The following PHC1 variants were observed in gnomAD, a reference collection of about 807,000 sequenced individuals.
PHC1 encodes polyhomeotic-like protein 1.
In PHC1, 12 loss-of-function variants were observed where a neutral mutation model predicts 104.3. The observed-to-expected ratio is 0.12, with a 90% CI of 0.07 to 0.19. PHC1 has a LOEUF of 0.19. Ranked by LOEUF, PHC1 falls within the 10% of genes least tolerant of loss-of-function variation. The pLI, the probability that PHC1 is intolerant of heterozygous loss-of-function variation, is 1.00. For synonymous variants in PHC1, 302 were observed against 455.8 expected, an observed-to-expected ratio of 0.66 and a Z score of 4.30; for missense variants, 671 against 1,200.0, an observed-to-expected ratio of 0.56 and a Z score of 6.51.
At chr12:8,918,101 G>T (rs1276109133) in intron 2 of PHC1, among the ~76,000 whole-genome samples, 1 of 152,152 alleles carries the variant, frequency 6.6e-6, no homozygotes, top group East Asian at 1.9e-4. Flanking sequence ...AAATCCCCTT[G>T]AGTAATAGAA....
Position 8,933,066 on chromosome 12 carries a change from A to G in PHC1, c.1609A>G (p.Thr537Ala), listed in dbSNP as rs1358331831. 2 of 701,190 alleles carry G rather than the reference A, an allele frequency of 2.9e-6. No homozygotes were observed. The highest frequency in any genetic ancestry group is 1.8e-5 in the South Asian group (1 of 54,096). The allele number at this position is 701,190 out of a possible 1,614,324, so 43.4% of individuals were successfully genotyped here. The change falls in exon 8 of 15, where the codon ACA (threonine) becomes GCA (alanine). Residue 537 changes from threonine to alanine, a missense_variant. By Grantham distance (58) the Thr-to-Ala change is moderately conservative (BLOSUM62 0). Around this residue, in one of 9 missense-constraint regions of PHC1, gnomAD observed 26 missense variants for 130.8 expected, o/e 0.20. Coordinates refer to ENST00000544916, the MANE Select transcript of PHC1 (RefSeq NM_004426.3). Reference protein sequence around the residue: ...VQVVGTRQPGTAQAQALGLAQ... With the variant: ...VQVVGTRQPGAAQAQALGLAQ... Reference sequence around the variant, plus strand: ...AGTTGTAGGCACTCGACAGCCAGGTACAGCCCAGGCACAGGCTTTGGGGTT... The same window carrying G: ...AGTTGTAGGCACTCGACAGCCAGGTGCAGCCCAGGCACAGGCTTTGGGGTT...
intron 6 of PHC1, among the ~76,000 whole-genome samples, chr12:8,928,401 C>G (rs1269112297): frequency 6.7e-6 from 1 of 150,348 alleles, no homozygotes; most frequent in Admixed American, 6.7e-5. Context: ...ATGACACTCT[C>G]TCACTGTTGG....
intron 6 of PHC1, among the ~76,000 whole-genome samples, chr12:8,923,868 CAATT>C (rs1945439218): frequency 7.1e-6 from 1 of 141,672 alleles, no homozygotes; most frequent in South Asian, 2.3e-4. Context: ...GGCAAAAAAA[CAATT>C]AAAAATAACA....
At chr12:8,914,458 G>GC (rs1278236624), upstream of PHC1, 375 of 91,592 alleles carry the variant, frequency 4.1e-3, 1 homozygote, top group African/African-American at 0.013. Context: ...GAGGGACGGC[G>GC]GGGGGGGGGT....
chr12:8,939,199 T>A (rs1471961136), intron 14 of PHC1, 106 bp from the exon 15 acceptor site: 1 of 1,372,308 alleles, frequency 7.3e-7, no homozygotes. Flanking sequence ...TATTACTGAA[T>A]TTAGGACAGG....
At chr12:8,916,228 T>TA (rs1242015293) in intron 1 of PHC1, among the ~76,000 whole-genome samples, 4 of 151,722 alleles carry the variant, frequency 2.6e-5, no homozygotes, top group African/African-American at 9.7e-5. Context: ...TGGGGGGGGA[T>TA]AATAGTGTGA....
intron 4 of PHC1, among the ~76,000 whole-genome samples, 163 bp downstream of exon 4, chr12:8,921,228 A>G (rs1023511456): frequency 1.3e-5 from 2 of 152,180 alleles, no homozygotes; most frequent in African/African-American, 4.8e-5. Flanking sequence ...ACCAACATTA[A>G]TCTATATTGG....
rs1945895174 is a variant in PHC1 at position 8,938,133 on chromosome 12, G to A, written c.2860+73G>A. The A allele has an allele frequency of 3.1e-6, 3 of 972,526 alleles. No homozygotes were observed. In the Admixed American group the frequency reaches 6.1e-5, roughly 20 times the overall value. The allele number at this position is 972,526 out of a possible 1,614,324, so 60.2% of individuals were successfully genotyped here. A position where few individuals can be genotyped will look rare whatever the true frequency, so the allele number is the denominator to read the frequency against. Reference sequence around the variant, plus strand: ...ATCCCACAGGGGCCTTGATAAGAGGGAAAGTAATTGACTTTTAAGCAGTAG... The same window carrying A: ...ATCCCACAGGGGCCTTGATAAGAGGAAAAGTAATTGACTTTTAAGCAGTAG... On this transcript the variant is annotated intron_variant, in intron 14 of 14. Coordinates refer to ENST00000544916, the MANE Select transcript of PHC1 (RefSeq NM_004426.3).
At chr12:8,925,916 T>C (rs774045944) in intron 6 of PHC1, among the ~76,000 whole-genome samples, 57 of 152,312 alleles carry the variant, frequency 3.7e-4, no homozygotes, top group African/African-American at 1.3e-3. Flanking sequence ...TCTAACAGTT[T>C]AAGGGACAGA....
In PHC1 at chr12:8,919,681, C is replaced by T; in HGVS notation, c.115-75C>T. 2.1e-6 allele frequency: 3 copies of T among 1,438,292 alleles called. No homozygotes were observed. The highest frequency in any genetic ancestry group is 2.9e-6 in the Non-Finnish European group (3 of 1,048,270). The allele number at this position is 1,438,292 out of a possible 1,614,324, so 89.1% of individuals were successfully genotyped here. A position where few individuals can be genotyped will look rare whatever the true frequency, so the allele number is the denominator to read the frequency against. The stretch of plus-strand genomic sequence containing the variant: ...CTGTCCTTCCCATGGCCCCCTTTCA[C>T]ACAAATACAGTGATTTACATAGAAT... On this transcript the variant is annotated intron_variant, in intron 2 of 14. Transcript: ENST00000544916. This position sits in a 1 kb window ranked among gnomAD's most constrained non-coding sequence, Gnocchi z 4.9.
At chr12:8,922,937 T>G in intron 6 of PHC1, 149 bp downstream of exon 6, 3 of 654,272 alleles carry the variant, frequency 4.6e-6, no homozygotes, top group Non-Finnish European at 5.1e-6. Context: ...ACCATAGAAC[T>G]TGAATCCCAT....
intron 11 of PHC1, among the ~76,000 whole-genome samples, chr12:8,935,760 T>C (rs112889390): frequency 6.6e-6 from 1 of 151,846 alleles, no homozygotes; most frequent in Non-Finnish European, 1.5e-5. Flanking sequence ...TTTTGAATTA[T>C]TATTATTATT....
chr12:8,916,357 C>T (rs1388320065), intron 1 of PHC1, among the ~76,000 whole-genome samples: 2 of 152,170 alleles, frequency 1.3e-5, no homozygotes, highest in East Asian at 3.8e-4. Context: ...CCAGTCCATT[C>T]ACCCTAATGA....
chr12:8,931,222 C>T (rs1945675160), intron 7 of PHC1, among the ~76,000 whole-genome samples: 1 of 152,176 alleles, frequency 6.6e-6, no homozygotes, highest in African/African-American at 2.4e-5. Context: ...TCTATTCATT[C>T]ATCACATCTT....
At chr12:8,920,241 TGTGAA>T (rs1405050292) in intron 3 of PHC1, among the ~76,000 whole-genome samples, 1 of 152,230 alleles carries the variant, frequency 6.6e-6, no homozygotes, top group African/African-American at 2.4e-5. Flanking sequence ...ATTAATTACA[TGTGAA>T]GTGATATTTT....
At chr12:8,916,870 T>C (rs760892081) in intron 1 of PHC1, among the ~76,000 whole-genome samples, 19 of 152,294 alleles carry the variant, frequency 1.2e-4, no homozygotes, top group Non-Finnish European at 1.3e-4. Context: ...ACCAGGCAGC[T>C]ATTTGGGCTA....
At chr12:8,917,587 G>T in intron 1 of PHC1, 43 bp from the exon 2 acceptor site, 1 of 535,568 alleles carries the variant, frequency 1.9e-6, no homozygotes, top group South Asian at 3.3e-5. Context: ...ATAACAGCTT[G>T]GGATCAAGAT....
Position 8,921,657 on chromosome 12 carries a change from C to G in PHC1, c.363C>G (p.Ser121Arg). ...AQLISRSQSV[S>R]SPSATTLTQS... ...TCATCAGCCGATCCCAGAGTGTGAGCTCTCCCAGTGCTACCACCTTGACCC... is the reference window on the plus strand; with the variant it reads ...TCATCAGCCGATCCCAGAGTGTGAGGTCTCCCAGTGCTACCACCTTGACCC... Residue 121 changes from serine (S) to arginine (R), a missense_variant, in exon 5 of 15, where the codon AGC (serine) becomes AGG (arginine). This residue lies in a region of PHC1 where 237 missense variants were observed against 331.1 expected (regional missense o/e 0.72). Transcript: ENST00000544916. The G allele has an allele frequency of 2.5e-6, 4 of 1,613,548 alleles. No individual in the cohort carries two copies. Among genetic ancestry groups the G allele is most frequent in the Non-Finnish European group, 3.4e-6 (4 of 1,179,628 alleles).
intron 6 of PHC1, among the ~76,000 whole-genome samples, chr12:8,925,337 C>T (rs1394487004): frequency 2.6e-5 from 4 of 152,222 alleles, no homozygotes; most frequent in African/African-American, 7.2e-5. Flanking sequence ...CATTCCTTAG[C>T]GTTGGATGCC....
Sources: allele counts gnomAD v4.1 joint callset (sites outside exome capture counted in the v4.1 genomes callset), GRCh38; gene constraint gnomAD v4.1.1; regional missense constraint gnomAD v4.1.1; non-coding constraint Gnocchi (gnomAD v3.1); transcripts MANE v1.5; gene names NCBI Gene and HGNC (gene_info 2026-07-23, HGNC 2026-07-21).